KCTD8: variants seen among roughly 807,000 people sequenced by gnomAD.
KCTD8 encodes BTB/POZ domain-containing protein KCTD8.
Under a neutral mutation model 31.5 loss-of-function variants are expected in KCTD8, and 27 were observed. That is an observed-to-expected ratio of 0.86 (90% CI 0.63 to 1.18). KCTD8 has a LOEUF of 1.18. Ranked by LOEUF, KCTD8 falls within the 50% of genes most tolerant of loss-of-function variation. KCTD8 has a pLI of 0.00. For synonymous variants in KCTD8, 290 were observed against 280.0 expected, an observed-to-expected ratio of 1.04 and a Z score of -0.36; for missense variants, 658 against 647.7, an observed-to-expected ratio of 1.02 and a Z score of -0.17.
At chr4:44,237,752 C>T (rs1216750345) in intron 1 of KCTD8, among the ~76,000 whole-genome samples, 2 of 152,120 alleles carry the variant, frequency 1.3e-5, no homozygotes, top group East Asian at 1.9e-4. Context: ...AGCATATGCA[C>T]ATTTTGTAAC....
rs181873170 is a variant in KCTD8 at position 44,252,372 on chromosome 4, T to C, written c.962-77122A>G. Among the ~76,000 whole-genome samples the C allele has an allele frequency of 8.4e-4, 127 of 151,918 alleles. 3 individuals are homozygous for C. The Middle Eastern group carries it at 0.044, about 53-fold the overall frequency. On this transcript the variant is annotated intron_variant, in intron 1 of 1. Coordinates refer to ENST00000360029, the MANE Select transcript of KCTD8 (RefSeq NM_198353.3). ...AATGACTTCTTTTCCTGTGGGTAGA[T>C]ACCCAGTAGTGGGATTGCTGGATCA...
chr4:44,301,413 C>T (rs1393341655), intron 1 of KCTD8, among the ~76,000 whole-genome samples: 2 of 152,212 alleles, frequency 1.3e-5, no homozygotes, highest in African/African-American at 4.8e-5. Context: ...GCCATTCTAA[C>T]TGGCGTGAGA....
intron 1 of KCTD8, among the ~76,000 whole-genome samples, chr4:44,430,409 GTA>G (rs1393145289): frequency 1.3e-5 from 2 of 151,624 alleles, no homozygotes; most frequent in Non-Finnish European, 3.0e-5. Context: ...AAGAAAGTAT[GTA>G]TTGAAAGAAA....
rs184802613 is a variant in KCTD8 at position 44,433,777 on chromosome 4, A to T, written c.961+13786T>A. ...ATGAATCAATCACAGGCCAGCTGCC[A>T]GTTGTCTGACTTCCTTCCTCCCAAA... is the stretch of plus-strand genomic sequence containing the variant. On this transcript the variant is annotated intron_variant, in intron 1 of 1. Coordinates refer to ENST00000360029, the MANE Select transcript of KCTD8 (RefSeq NM_198353.3). Among the ~76,000 whole-genome samples, 657 of 151,556 alleles carry T rather than the reference A, an allele frequency of 4.3e-3. 6 individuals carry two copies. Among genetic ancestry groups the T allele is most frequent in the African/African-American group, 0.015 (603 of 41,418 alleles).
At chr4:44,432,641 T>C (rs1721532485) in intron 1 of KCTD8, among the ~76,000 whole-genome samples, 1 of 151,652 alleles carries the variant, frequency 6.6e-6, no homozygotes. Context: ...CAGCATTAAC[T>C]AGCTCTGATC....
intron 1 of KCTD8, among the ~76,000 whole-genome samples, chr4:44,372,971 C>T (rs1719828234): frequency 6.6e-6 from 1 of 152,052 alleles, no homozygotes; most frequent in Non-Finnish European, 1.5e-5. Context: ...CTTTTCTATT[C>T]AATAATATAG....
intron 1 of KCTD8, among the ~76,000 whole-genome samples, chr4:44,417,298 C>A (rs1721098666): frequency 6.6e-6 from 1 of 152,082 alleles, no homozygotes; most frequent in African/African-American, 2.4e-5. Context: ...CAATTTATTT[C>A]TCCCACATAA....
intron 1 of KCTD8, among the ~76,000 whole-genome samples, chr4:44,425,966 C>G (rs1721334830): frequency 6.6e-6 from 1 of 150,900 alleles, no homozygotes; most frequent in Admixed American, 6.6e-5. Flanking sequence ...ATATCTATAT[C>G]AAAGATATGT....
chr4:44,358,802 C>G (rs1719419348), intron 1 of KCTD8, among the ~76,000 whole-genome samples: 1 of 152,116 alleles, frequency 6.6e-6, no homozygotes, highest in Non-Finnish European at 1.5e-5. Context: ...ATCTCCTGAC[C>G]TCATGATCCA....
intron 1 of KCTD8, among the ~76,000 whole-genome samples, chr4:44,289,101 G>A (rs1272891430): frequency 1.3e-5 from 2 of 151,254 alleles, no homozygotes; most frequent in Non-Finnish European, 3.0e-5. Context: ...TACCTCACAG[G>A]ATGACTATGA....
chr4:44,178,024 T>C (rs916164846), intron 1 of KCTD8, among the ~76,000 whole-genome samples: 11 of 152,172 alleles, frequency 7.2e-5, no homozygotes, highest in African/African-American at 2.4e-4. Flanking sequence ...CAGATTTATG[T>C]GGCAATAAAA....
intron 1 of KCTD8, among the ~76,000 whole-genome samples, chr4:44,279,712 C>T (rs1716847230): frequency 6.6e-6 from 1 of 152,038 alleles, no homozygotes; most frequent in South Asian, 2.1e-4. Flanking sequence ...TAAGTAAACA[C>T]ATATGCAGGG....
intron 1 of KCTD8, among the ~76,000 whole-genome samples, chr4:44,274,416 C>T (rs1716695656): frequency 6.6e-6 from 1 of 151,764 alleles, no homozygotes; most frequent in Non-Finnish European, 1.5e-5. Flanking sequence ...ACTTTTTAGT[C>T]TCCATAATCA....
In KCTD8 at chr4:44,328,435, C is replaced by A. The variant is rs539525671; in HGVS notation, c.961+119128G>T. Among the ~76,000 whole-genome samples the A allele has an allele frequency of 4.5e-4, 69 of 151,906 alleles. 2 individuals are homozygous for A. The highest frequency in any genetic ancestry group is 1.6e-3 in the African/African-American group (68 of 41,370). On this transcript the variant is annotated intron_variant, in intron 1 of 1. Transcript: ENST00000360029. ...TTTACCCAGCTGAGTACTAGATGAC[C>A]ACATCATTGACATATACACTTCGCC...
In KCTD8 at chr4:44,246,217, C is replaced by G. The variant is rs373520453; in HGVS notation, c.962-70967G>C. 2.6e-5 allele frequency among the ~76,000 whole-genome samples: 4 copies of G among 151,910 alleles called. No individual in the cohort carries two copies. In the East Asian group the frequency reaches 7.7e-4, roughly 29 times the overall value. On this transcript the variant is annotated intron_variant, in intron 1 of 1. Coordinates refer to ENST00000360029, the MANE Select transcript of KCTD8 (RefSeq NM_198353.3). ...TTTTGCAAGAAGCTTCAAAATAAGC[C>G]AACCTCAAATGCTTTTAATTCCTGC...
chr4:44,419,717 G>A lies in KCTD8; in HGVS notation c.961+27846C>T, dbSNP rs186955469. Among the ~76,000 whole-genome samples, 54 of 152,104 alleles carry A rather than the reference G, an allele frequency of 3.6e-4. No homozygotes were observed. The East Asian group carries it at 9.3e-3, about 26-fold the overall frequency. On this transcript the variant is annotated intron_variant, in intron 1 of 1. Coordinates refer to ENST00000360029, the MANE Select transcript of KCTD8 (RefSeq NM_198353.3). ...GGCCTGTCGGGGGATGGGGGGCTGG[G>A]GAAGGGATAGCATTAGGAGAAATAC... is the stretch of plus-strand genomic sequence containing the variant.
At chr4:44,310,221 T>C in intron 1 of KCTD8, among the ~76,000 whole-genome samples, 1 of 152,072 alleles carries the variant, frequency 6.6e-6, no homozygotes, top group East Asian at 1.9e-4. Flanking sequence ...TGTAATCCAG[T>C]GAAACCAATT....
intron 1 of KCTD8, among the ~76,000 whole-genome samples, chr4:44,417,546 T>C (rs1288636785): frequency 6.7e-5 from 1 of 14,960 alleles, no homozygotes; most frequent in Non-Finnish European, 1.8e-4. Context: ...AAAGAAATCA[T>C]TTCTTACTTG....
At chr4:44,392,866 G>GA (rs1245912902) in intron 1 of KCTD8, among the ~76,000 whole-genome samples, 1 of 151,916 alleles carries the variant, frequency 6.6e-6, no homozygotes. Flanking sequence ...CTGTACAGCT[G>GA]AAAAAACATC....
Sources: allele counts gnomAD v4.1 joint callset (sites outside exome capture counted in the v4.1 genomes callset), GRCh38; gene constraint gnomAD v4.1.1; transcripts MANE v1.5; gene names NCBI Gene and HGNC (gene_info 2026-07-23, HGNC 2026-07-21).